CSNK2A2IP: variants seen among roughly 807,000 people sequenced by gnomAD.
CSNK2A2IP encodes the protein casein kinase 2 subunit alpha' interacting protein.
At chr3:88,457,370 A>G in the CSNK2A2IP span, among the ~76,000 whole-genome samples, 3 of 151,706 alleles carry the variant, frequency 2.0e-5, no homozygotes, top group East Asian at 5.8e-4. Flanking sequence ...TTTTTTATCT[A>G]TATTTATAAG....
chr3:88,345,908 G>GA, the CSNK2A2IP span, among the ~76,000 whole-genome samples: 1 of 152,024 alleles, frequency 6.6e-6, no homozygotes, highest in Non-Finnish European at 1.5e-5. Flanking sequence ...GAGGCAGGTT[G>GA]AAAGTTAGGC....
chr3:88,458,353 G>C, the CSNK2A2IP span, among the ~76,000 whole-genome samples: 5 of 151,932 alleles, frequency 3.3e-5, no homozygotes, highest in Non-Finnish European at 1.5e-5. Context: ...GTTTTGCCAT[G>C]TTGGCCAGGC....
At chr3:88,419,195 G>C in the CSNK2A2IP span, among the ~76,000 whole-genome samples, 1 of 152,128 alleles carries the variant, frequency 6.6e-6, no homozygotes, top group African/African-American at 2.4e-5. Context: ...CACAATAAAT[G>C]TAATGTGCTT....
the CSNK2A2IP span, among the ~76,000 whole-genome samples, chr3:88,365,322 C>G: frequency 6.6e-6 from 1 of 152,076 alleles, no homozygotes; most frequent in African/African-American, 2.4e-5. Flanking sequence ...AACTTTTAGG[C>G]AGGATTTTTG....
chr3:88,395,012 T>G, the CSNK2A2IP span, among the ~76,000 whole-genome samples: 1 of 152,298 alleles, frequency 6.6e-6, no homozygotes, highest in East Asian at 1.9e-4. Context: ...AACCTTCAAA[T>G]GTACCCTCAA....
the CSNK2A2IP span, among the ~76,000 whole-genome samples, chr3:88,418,463 T>TGTGTGCGCGCGCGC: frequency 1.4e-3 from 211 of 149,630 alleles, 2 homozygotes; most frequent in Middle Eastern, 3.4e-3. Flanking sequence ...TGTGTGTGTG[T>TGTGTGCGCGCGCGC]GCGCGCGGGC....
At chr3:88,451,905 C>T in the CSNK2A2IP span, among the ~76,000 whole-genome samples, 4 of 151,914 alleles carry the variant, frequency 2.6e-5, no homozygotes, top group African/African-American at 9.7e-5. Flanking sequence ...TAATTTTATA[C>T]CTGTAATAAT....
the CSNK2A2IP span, among the ~76,000 whole-genome samples, chr3:88,409,489 A>G: frequency 2.0e-5 from 3 of 151,162 alleles, no homozygotes; most frequent in Non-Finnish European, 3.0e-5. Context: ...GTTTGGGGGG[A>G]AAATGTCTAG....
chr3:88,358,475 G>A, the CSNK2A2IP span, among the ~76,000 whole-genome samples: 1 of 152,082 alleles, frequency 6.6e-6, no homozygotes, highest in South Asian at 2.1e-4. Context: ...TGTCATACAC[G>A]GCCCCCATTG....
chr3:88,390,208 A>G, the CSNK2A2IP span, among the ~76,000 whole-genome samples: 7 of 152,232 alleles, frequency 4.6e-5, 2 homozygotes, highest in Admixed American at 4.6e-4. Flanking sequence ...GACCTGATAC[A>G]CTTGAATGGA....
chr3:88,350,599 TG>T, the CSNK2A2IP span, among the ~76,000 whole-genome samples: 615 of 112,694 alleles, frequency 5.5e-3, 3 homozygotes, highest in East Asian at 0.017. Context: ...TCAAAGATGA[TG>T]AAAAAAAAAA....
At chr3:88,454,883 C>T in the CSNK2A2IP span, among the ~76,000 whole-genome samples, 1 of 151,812 alleles carries the variant, frequency 6.6e-6, no homozygotes, top group Non-Finnish European at 1.5e-5. Flanking sequence ...CCAATATCTC[C>T]CATTTTCCCT....
At chr3:88,467,172 G>T in the CSNK2A2IP span, 2 of 400,560 alleles carry the variant, frequency 5.0e-6, no homozygotes, top group Non-Finnish European at 8.8e-6. Context: ...ATAATTCTCA[G>T]CCACAATCCC....
At chr3:88,389,671 T>C in the CSNK2A2IP span, among the ~76,000 whole-genome samples, 39 of 152,300 alleles carry the variant, frequency 2.6e-4, no homozygotes, top group African/African-American at 8.2e-4. Flanking sequence ...AGGTTGGAGC[T>C]TCTCGTGGCT....
chr3:88,407,210 T>G, the CSNK2A2IP span, among the ~76,000 whole-genome samples: 1 of 150,462 alleles, frequency 6.6e-6, no homozygotes, highest in African/African-American at 2.4e-5. Context: ...TACTCTATCA[T>G]GTACCAGGTA....
the CSNK2A2IP span, among the ~76,000 whole-genome samples, chr3:88,395,705 C>G: frequency 6.6e-6 from 1 of 152,150 alleles, no homozygotes; most frequent in African/African-American, 2.4e-5. Context: ...GAAGAATCAA[C>G]ATTTTAACAA....
chr3:88,424,685 G>A, the CSNK2A2IP span, among the ~76,000 whole-genome samples: 1 of 152,068 alleles, frequency 6.6e-6, no homozygotes, highest in Non-Finnish European at 1.5e-5. Context: ...AGTGAAGTAA[G>A]GTAAATTCAG....
At chr3:88,449,868 T>TAGAG in the CSNK2A2IP span, among the ~76,000 whole-genome samples, 13 of 74,212 alleles carry the variant, frequency 1.8e-4, 1 homozygote, top group East Asian at 1.1e-3. Context: ...TATATATATA[T>TAGAG]ATATATAGAG....
the CSNK2A2IP span, among the ~76,000 whole-genome samples, chr3:88,456,211 CT>C: frequency 1.3e-5 from 2 of 151,926 alleles, no homozygotes; most frequent in East Asian, 3.9e-4. Flanking sequence ...TTTGCAATTG[CT>C]TTTTCTATTT....
Sources: gnomAD v4.1 joint callset for allele counts (sites outside exome capture counted in the v4.1 genomes callset) on GRCh38, gnomAD v4.1.1 for gene constraint, MANE v1.5 for transcripts, NCBI Gene and HGNC (gene_info 2026-07-23, HGNC 2026-07-21) for gene names.